KPNA4: variants seen among roughly 807,000 people sequenced by gnomAD.
The protein encoded by KPNA4 is karyopherin subunit alpha 4.
In KPNA4, 13 loss-of-function variants were observed where a neutral mutation model predicts 71.3. That is an observed-to-expected ratio of 0.18 (90% confidence interval 0.12 to 0.29). The LOEUF is 0.29. KPNA4 is among the 10% of genes least tolerant of loss of function. The pLI, the probability that KPNA4 is intolerant of heterozygous loss-of-function variation, is 1.00. For missense variants in KPNA4, 334 were observed against 603.2 expected (o/e 0.55, Z 4.67); for synonymous variants, 189 against 195.2 (o/e 0.97, Z 0.26).
chr3:160,548,089 T>C (rs1721960529), intron 1 of KPNA4, among the ~76,000 whole-genome samples: 1 of 152,202 alleles, frequency 6.6e-6, no homozygotes, highest in Non-Finnish European at 1.5e-5. Context: ...TAAGAGTATG[T>C]TCAGTTTTGT....
rs887963895 is a variant in KPNA4 at position 160,561,985 on chromosome 3, C to G, written c.69+3229G>C. Among the ~76,000 whole-genome samples, 32 of 152,218 alleles carry G rather than the reference C, an allele frequency of 2.1e-4. 1 individual carries two copies. The highest frequency in any genetic ancestry group is 2.0e-3 in the Admixed American group (30 of 15,304). The stretch of plus-strand genomic sequence containing the variant: ...TTTTACAGATGAAAGAACCATAAGA[C>G]TAAGCGATTTTCCCCAAGGTCATAC... On this transcript the variant is annotated intron_variant, in intron 1 of 16. Transcript: ENST00000334256.
At position 160,546,767 on chromosome 3, in the gene KPNA4, C is replaced by T. The variant is rs190443666; in HGVS notation, c.70-9927G>A. On this transcript the variant is annotated intron_variant, in intron 1 of 16. Transcript: ENST00000334256. Reference sequence around the variant, plus strand: ...TCTGCTACCATTATTCCCATCCCTGCACACTATTTAATATGCTTAAAATAC... The same window carrying T: ...TCTGCTACCATTATTCCCATCCCTGTACACTATTTAATATGCTTAAAATAC... Among the ~76,000 whole-genome samples, 336 of 152,206 alleles carry T rather than the reference C, an allele frequency of 2.2e-3. 2 individuals carry two copies. Among genetic ancestry groups the T allele is most frequent in the African/African-American group, 7.4e-3 (309 of 41,506 alleles).
intron 1 of KPNA4, among the ~76,000 whole-genome samples, chr3:160,561,789 C>T (rs570892934): frequency 1.1e-4 from 17 of 151,978 alleles, no homozygotes; most frequent in Non-Finnish European, 1.8e-4. Flanking sequence ...AAAACAGCCA[C>T]TGAAAATAAG....
intron 1 of KPNA4, among the ~76,000 whole-genome samples, chr3:160,554,741 T>C (rs917590798): frequency 1.3e-5 from 2 of 152,296 alleles, no homozygotes; most frequent in Admixed American, 6.5e-5. Context: ...ATTATGAAGT[T>C]TCCATAAAAA....
chr3:160,505,933 T>G (rs551987320), intron 15 of KPNA4, among the ~76,000 whole-genome samples: 1 of 152,304 alleles, frequency 6.6e-6, no homozygotes, highest in Admixed American at 6.5e-5. Flanking sequence ...CAAAACACAA[T>G]TTGTTATTTG....
At chr3:160,523,100 G>A (rs1224944577) in intron 10 of KPNA4, among the ~76,000 whole-genome samples, 1 of 152,208 alleles carries the variant, frequency 6.6e-6, no homozygotes, top group African/African-American at 2.4e-5. Flanking sequence ...TAATAATTGT[G>A]CCTAAAACTA....
At chr3:160,531,054 A>T (rs750582861) in intron 6 of KPNA4, 114 bp from the exon 7 acceptor site, 1 of 703,380 alleles carries the variant, frequency 1.4e-6, no homozygotes, top group Non-Finnish European at 2.4e-6. Flanking sequence ...TTCAAAAGTT[A>T]TCTATCCATC....
At chr3:160,533,276 C>T (rs573222569) in intron 5 of KPNA4, among the ~76,000 whole-genome samples, 4 of 152,204 alleles carry the variant, frequency 2.6e-5, no homozygotes, top group East Asian at 1.9e-4. Context: ...CCCCTGGCCT[C>T]GGCGTCCCAA....
Position 160,538,095 on chromosome 3 carries a change from G to GAC in KPNA4, c.70-1257_70-1256dup, listed in dbSNP as rs139702935. Among the ~76,000 whole-genome samples the GAC allele has an allele frequency of 4.0e-4, 60 of 149,622 alleles. No homozygotes were observed. The South Asian group carries it at 5.5e-3, about 14-fold the overall frequency. ...TTCTCAGATAGTGTTTTTAAATACA[G>GAC]ACACACACACACACTATATATATAT... On this transcript the variant is annotated intron_variant, in intron 1 of 16. Coordinates refer to ENST00000334256, the MANE Select transcript of KPNA4 (RefSeq NM_002268.5).
intron 1 of KPNA4, among the ~76,000 whole-genome samples, chr3:160,551,306 C>A (rs186161187): frequency 5.3e-5 from 8 of 152,130 alleles, no homozygotes; most frequent in Admixed American, 5.2e-4. Flanking sequence ...TCTACAAAAA[C>A]ATATGAAAAG....
chr3:160,513,249 G>GTTTTTTTTTTTTTTTTTTTTTTTT (rs946090860), intron 13 of KPNA4, among the ~76,000 whole-genome samples: 1 of 80,626 alleles, frequency 1.2e-5, no homozygotes, highest in Non-Finnish European at 2.3e-5. Flanking sequence ...CTACTTTGTG[G>GTTTTTTTTTTTTTTTTTTTTTTTT]TTTTTTTTTT....
At chr3:160,524,165 G>T (rs1192155393) in intron 10 of KPNA4, among the ~76,000 whole-genome samples, 1 of 152,090 alleles carries the variant, frequency 6.6e-6, no homozygotes, top group Non-Finnish European at 1.5e-5. Flanking sequence ...ACAGGCTTGA[G>T]AAATTCTTCA....
At chr3:160,519,924 A>G (rs1187319057) in intron 11 of KPNA4, among the ~76,000 whole-genome samples, 1 of 152,110 alleles carries the variant, frequency 6.6e-6, no homozygotes, top group Non-Finnish European at 1.5e-5. Context: ...AAAAAGCTAC[A>G]TGGGGTTCCA....
chr3:160,539,774 G>A (rs1047460009), intron 1 of KPNA4, among the ~76,000 whole-genome samples: 2 of 152,162 alleles, frequency 1.3e-5, no homozygotes, highest in South Asian at 4.1e-4. Flanking sequence ...GGTATTTCCA[G>A]TCTAAGGAAA....
At chr3:160,522,843 T>C (rs1427149492) in intron 10 of KPNA4, among the ~76,000 whole-genome samples, 1 of 136,522 alleles carries the variant, frequency 7.3e-6, no homozygotes, top group Non-Finnish European at 1.6e-5. Flanking sequence ...GACCTGTAAT[T>C]AAAACAAAAA....
At chr3:160,526,495 T>A (rs1577053279) in intron 8 of KPNA4, among the ~76,000 whole-genome samples, 1 of 152,370 alleles carries the variant, frequency 6.6e-6, no homozygotes, top group Non-Finnish European at 1.5e-5. Context: ...AATTACTCTA[T>A]ACACTTAGAA....
chr3:160,555,901 A>T (rs1435194464), intron 1 of KPNA4, among the ~76,000 whole-genome samples: 1 of 152,040 alleles, frequency 6.6e-6, no homozygotes, highest in East Asian at 1.9e-4. Context: ...GCCCGATCTC[A>T]GCTCACTGCA....
chr3:160,547,226 T>C (rs1207659361), intron 1 of KPNA4, among the ~76,000 whole-genome samples: 1 of 152,342 alleles, frequency 6.6e-6, no homozygotes, highest in Non-Finnish European at 1.5e-5. Context: ...AATCTTAAAG[T>C]GTTATGAATA....
At chr3:160,543,137 T>C (rs1270047956) in intron 1 of KPNA4, among the ~76,000 whole-genome samples, 1 of 152,162 alleles carries the variant, frequency 6.6e-6, no homozygotes, top group African/African-American at 2.4e-5. Context: ...AGGTTACATA[T>C]GATAGAAGAG....
Sources: gnomAD v4.1 joint callset for allele counts (sites outside exome capture counted in the v4.1 genomes callset) on GRCh38, gnomAD v4.1.1 for gene constraint, MANE v1.5 for transcripts, NCBI Gene and HGNC (gene_info 2026-07-23, HGNC 2026-07-21) for gene names.